KCNAB1: variants seen among roughly 807,000 people sequenced by gnomAD.
KCNAB1 encodes the protein potassium voltage-gated channel subfamily A regulatory beta subunit 1.
KCNAB1 carries 35 observed loss-of-function variants against 64.6 expected under a neutral mutation model. The ratio of observed to expected loss-of-function variants is 0.54; its 90% CI spans 0.41 to 0.72. KCNAB1 has a LOEUF of 0.72. Ranked by LOEUF, KCNAB1 falls within the 30% of genes least tolerant of loss-of-function variation. The pLI is 0.00. For synonymous variants in KCNAB1, 177 were observed against 183.8 expected, an observed-to-expected ratio of 0.96 and a Z score of 0.30; for missense variants, 401 against 512.9, an observed-to-expected ratio of 0.78 and a Z score of 2.11.
At chr3:156,372,859 C>T (rs1274197954) in intron 1 of KCNAB1, among the ~76,000 whole-genome samples, 2 of 152,188 alleles carry the variant, frequency 1.3e-5, no homozygotes, top group Admixed American at 1.3e-4. Flanking sequence ...GGGAATGCCA[C>T]CGAAACTTTA....
intron 1 of KCNAB1, among the ~76,000 whole-genome samples, chr3:156,295,110 T>C (rs899644057): frequency 3.9e-5 from 6 of 152,172 alleles, no homozygotes; most frequent in Middle Eastern, 3.2e-3. Context: ...AATTGTCTAA[T>C]AGAAGATATT....
chr3:156,304,514 T>C (rs1406826711), intron 1 of KCNAB1, among the ~76,000 whole-genome samples: 1 of 152,238 alleles, frequency 6.6e-6, no homozygotes, highest in Non-Finnish European at 1.5e-5. Flanking sequence ...CCTGTTATAC[T>C]GACCAGCGTA....
At chr3:156,453,047 C>T in intron 3 of KCNAB1, 111 bp downstream of exon 3, 1 of 624,586 alleles carries the variant, frequency 1.6e-6, no homozygotes, top group South Asian at 2.7e-5. Flanking sequence ...AGGTTTAATT[C>T]ACAGGAAATG....
intron 1 of KCNAB1, among the ~76,000 whole-genome samples, chr3:156,333,102 C>T (rs1231552773): frequency 6.6e-6 from 1 of 152,120 alleles, no homozygotes; most frequent in Admixed American, 6.6e-5. Flanking sequence ...GGCATCATTT[C>T]TCACTCCTTC....
intron 1 of KCNAB1, among the ~76,000 whole-genome samples, chr3:156,245,435 G>C (rs778644233): frequency 6.6e-6 from 1 of 152,146 alleles, no homozygotes; most frequent in Non-Finnish European, 1.5e-5. Context: ...CCAGGAAATT[G>C]ACATTGATAT....
rs570631448 is a variant in KCNAB1 at position 156,453,891 on chromosome 3, G to A, written c.357+955G>A. On this transcript the variant is annotated intron_variant, in intron 3 of 13. Transcript: ENST00000490337. Reference sequence around the variant, plus strand: ...AATGCTCTAACCCTCTAATCAGCAGGATGGTGGTTAAGATTAATGAGATGA... The same window carrying A: ...AATGCTCTAACCCTCTAATCAGCAGAATGGTGGTTAAGATTAATGAGATGA... Among the ~76,000 whole-genome samples the A allele has an allele frequency of 1.1e-4, 16 of 152,326 alleles. No homozygotes were observed. In the South Asian group the frequency reaches 3.3e-3, roughly 32 times the overall value.
intron 1 of KCNAB1, among the ~76,000 whole-genome samples, chr3:156,155,888 A>G (rs1256191331): frequency 6.6e-6 from 1 of 152,222 alleles, no homozygotes; most frequent in Non-Finnish European, 1.5e-5. Context: ...GGTTGGGTCC[A>G]GGAGAACCAG....
intron 1 of KCNAB1, among the ~76,000 whole-genome samples, chr3:156,349,132 A>C (rs1283843962): frequency 6.6e-6 from 1 of 152,252 alleles, no homozygotes; most frequent in Non-Finnish European, 1.5e-5. Context: ...CTGAATTTTC[A>C]ACCACTTTAT....
At chr3:156,357,182 CA>C (rs1725310714) in intron 1 of KCNAB1, among the ~76,000 whole-genome samples, 2 of 152,226 alleles carry the variant, frequency 1.3e-5, no homozygotes, top group South Asian at 2.1e-4. Flanking sequence ...CACACACACA[CA>C]CACCCCTGTT....
At chr3:156,204,633 C>G (rs1041788514) in intron 1 of KCNAB1, among the ~76,000 whole-genome samples, 3 of 151,908 alleles carry the variant, frequency 2.0e-5, no homozygotes, top group Admixed American at 6.6e-5. Context: ...GAATTTGAGA[C>G]CAGCCTGGCT....
chr3:156,369,831 C>T (rs1422126293), intron 1 of KCNAB1, among the ~76,000 whole-genome samples: 1 of 152,172 alleles, frequency 6.6e-6, no homozygotes, highest in Non-Finnish European at 1.5e-5. Context: ...GTTTATCTTA[C>T]ACCAATCTTA....
At position 156,474,431 on chromosome 3, in the gene KCNAB1, T is replaced by C. The variant is rs1714183290; in HGVS notation, c.572-303T>C. 3.3e-5 allele frequency among the ~76,000 whole-genome samples: 5 copies of C among 152,210 alleles called. No individual in the cohort carries two copies. The South Asian group carries it at 1.0e-3, about 32-fold the overall frequency. ...GTTGGAAAGAAGCTGCTTTTTATTC[T>C]AAATTTTGCTTCTGGATATTGCCAC... On this transcript the variant is annotated intron_variant, in intron 7 of 13. Coordinates refer to ENST00000490337, the MANE Select transcript of KCNAB1 (RefSeq NM_172160.3).
chr3:156,437,171 C>A (rs537117915), intron 2 of KCNAB1, among the ~76,000 whole-genome samples: 2 of 152,210 alleles, frequency 1.3e-5, no homozygotes, highest in Non-Finnish European at 2.9e-5. Flanking sequence ...AAGGATTGGT[C>A]TTTTATTCAG....
rs568727491 is a variant in KCNAB1 at position 156,487,868 on chromosome 3, A to T, written c.658+13048A>T. ...CCATCTGACAAGAGAATTCACATAAAACTTAACAAAAAGCCAAAAAAGGGA... is the reference window on the plus strand; with the variant it reads ...CCATCTGACAAGAGAATTCACATAATACTTAACAAAAAGCCAAAAAAGGGA... On this transcript the variant is annotated intron_variant, in intron 8 of 13. Transcript: ENST00000490337. 2.0e-5 allele frequency among the ~76,000 whole-genome samples: 3 copies of T among 151,680 alleles called. No individual in the cohort carries two copies. The South Asian group carries it at 6.2e-4, about 31-fold the overall frequency.
At chr3:156,236,382 A>G (rs1031143204) in intron 1 of KCNAB1, among the ~76,000 whole-genome samples, 1 of 152,178 alleles carries the variant, frequency 6.6e-6, no homozygotes, top group African/African-American at 2.4e-5. Context: ...ATTTGCAAGA[A>G]CATGGATTCT....
intron 1 of KCNAB1, among the ~76,000 whole-genome samples, chr3:156,348,760 T>G (rs1044974711): frequency 6.6e-6 from 1 of 152,162 alleles, no homozygotes; most frequent in East Asian, 1.9e-4. Flanking sequence ...CCAGGAAGCA[T>G]GTATCTAGGA....
intron 1 of KCNAB1, among the ~76,000 whole-genome samples, chr3:156,160,903 A>G (rs1436458911): frequency 6.6e-6 from 1 of 152,220 alleles, no homozygotes; most frequent in African/African-American, 2.4e-5. Context: ...GCATGAAGGA[A>G]GGAGGCAGAA....
intron 3 of KCNAB1, among the ~76,000 whole-genome samples, chr3:156,454,898 G>C (rs1277362791): frequency 6.6e-6 from 1 of 152,070 alleles, no homozygotes; most frequent in Non-Finnish European, 1.5e-5. Flanking sequence ...AGCCAAGCTT[G>C]CCCGGGTCGT....
chr3:156,353,897 G>C (rs1725024365), intron 1 of KCNAB1, among the ~76,000 whole-genome samples: 1 of 152,076 alleles, frequency 6.6e-6, no homozygotes, highest in East Asian at 1.9e-4. Flanking sequence ...TGCTCAAAGG[G>C]AAGGGGTTAC....
Sources: gnomAD v4.1 joint callset for allele counts (sites outside exome capture counted in the v4.1 genomes callset) on GRCh38, gnomAD v4.1.1 for gene constraint, MANE v1.5 for transcripts, NCBI Gene and HGNC (gene_info 2026-07-23, HGNC 2026-07-21) for gene names.